The following USP10 variants were observed in gnomAD, a reference collection of about 807,000 sequenced individuals.
USP10 encodes the protein ubiquitin specific peptidase 10, also known as ubiquitin carboxyl-terminal hydrolase 10.
USP10 carries 22 observed loss-of-function variants against 84.5 expected under a neutral mutation model. The ratio of observed to expected loss-of-function variants is 0.26; its 90% CI spans 0.19 to 0.37. USP10 has a LOEUF of 0.37. Among genes scored for constraint, USP10 ranks in the 10% least tolerant of loss-of-function variants. The pLI is 1.00. For missense variants in USP10, 1,019 were observed against 998.9 expected, an observed-to-expected ratio of 1.02 and a Z score of -0.27; for synonymous variants, 454 against 387.6, an observed-to-expected ratio of 1.17 and a Z score of -2.01.
intron 1 of USP10, 48 bp downstream of exon 1, chr16:84,700,159 C>T: frequency 8.2e-7 from 1 of 1,218,426 alleles, no homozygotes; most frequent in Non-Finnish European, 1.0e-6. Flanking sequence ...GAGCCCCGGG[C>T]GGGCGGACGC....
chr16:84,716,750 C>T (rs1054898999), intron 1 of USP10, among the ~76,000 whole-genome samples: 1 of 152,138 alleles, frequency 6.6e-6, no homozygotes, highest in Non-Finnish European at 1.5e-5. Flanking sequence ...TAGGCAGAGA[C>T]GCCCATTACA....
chr16:84,775,054 T>G, intron 12 of USP10, 106 bp from the exon 13 acceptor site: 1 of 942,938 alleles, frequency 1.1e-6, no homozygotes. Context: ...GTTCCTGGTC[T>G]GACAGGCAGT....
chr16:84,708,640 C>T (rs56141709), intron 1 of USP10, among the ~76,000 whole-genome samples: 2,662 of 152,262 alleles, frequency 0.017, 80 homozygotes, highest in African/African-American at 0.061. Context: ...TTTTTGTCTT[C>T]TGTCACTTTG....
At chr16:84,702,808 T>C (rs1420690670) in intron 1 of USP10, among the ~76,000 whole-genome samples, 34 of 151,782 alleles carry the variant, frequency 2.2e-4, no homozygotes, top group Non-Finnish European at 4.4e-5. Flanking sequence ...GCCTGACCAA[T>C]ATAGTGAGAC....
chr16:84,766,483 T>G (rs1373645243), intron 10 of USP10, among the ~76,000 whole-genome samples: 1 of 152,238 alleles, frequency 6.6e-6, no homozygotes, highest in Non-Finnish European at 1.5e-5. Flanking sequence ...TGCCCTTTGC[T>G]CCTTCAGCCC....
intron 11 of USP10, among the ~76,000 whole-genome samples, chr16:84,771,551 A>G (rs185582155): frequency 6.6e-5 from 10 of 152,264 alleles, no homozygotes; most frequent in Admixed American, 1.3e-4. Flanking sequence ...AGTTTTATCA[A>G]TACTATCAGA....
intron 1 of USP10, among the ~76,000 whole-genome samples, chr16:84,721,014 C>G (rs1418848007): frequency 6.6e-6 from 1 of 151,812 alleles, no homozygotes; most frequent in East Asian, 1.9e-4. Context: ...CTGCCTCAGC[C>G]TCTCGAGTAG....
intron 1 of USP10, among the ~76,000 whole-genome samples, chr16:84,714,507 G>A (rs1046438807): frequency 2.6e-5 from 4 of 151,076 alleles, no homozygotes; most frequent in African/African-American, 4.9e-5. Context: ...ATTGTTGAAT[G>A]TTTTTCCATT....
rs750414301 is a variant in USP10 at position 84,745,661 on chromosome 16, A to G, written c.1180A>G (p.Ile394Val). ...LVPVSEDPVA[I>V]KIAELLENVT... The stretch of plus-strand genomic sequence containing the variant: ...TCCGGTTTCAGAGGATCCTGTAGCC[A>G]TAAAGATTGCAGGTATAGTTGAAAA... Residue 394 changes from isoleucine to valine, a missense_variant, in exon 4 of 14, where the codon ATA becomes GTA. Transcript: ENST00000219473. The G allele has an allele frequency of 1.9e-6, 3 of 1,610,570 alleles. No individual in the cohort carries two copies. Among genetic ancestry groups the G allele is most frequent in the South Asian group, 1.1e-5 (1 of 90,338 alleles).
intron 2 of USP10, among the ~76,000 whole-genome samples, chr16:84,739,511 G>C (rs954777896): frequency 6.6e-6 from 1 of 151,602 alleles, no homozygotes; most frequent in African/African-American, 2.4e-5. Context: ...GACCTCAAGT[G>C]ATTCACCCAC....
At chr16:84,713,719 A>G (rs118180450) in intron 1 of USP10, among the ~76,000 whole-genome samples, 2 of 152,192 alleles carry the variant, frequency 1.3e-5, no homozygotes, top group Non-Finnish European at 2.9e-5. Context: ...AACTGTTAGG[A>G]TCCAGAATTA....
intron 3 of USP10, among the ~76,000 whole-genome samples, chr16:84,744,044 TC>T (rs1296045741): frequency 6.9e-6 from 1 of 145,592 alleles, no homozygotes; most frequent in South Asian, 2.2e-4. Flanking sequence ...TATATAGGAT[TC>T]TTTGTTGTTG....
intron 4 of USP10, among the ~76,000 whole-genome samples, chr16:84,751,742 A>G (rs890291086): frequency 1.2e-4 from 19 of 152,238 alleles, no homozygotes; most frequent in African/African-American, 4.1e-4. Flanking sequence ...GAATGATGAC[A>G]GAAAAGCAGG....
intron 10 of USP10, among the ~76,000 whole-genome samples, chr16:84,765,315 C>T (rs1913729852): frequency 6.6e-6 from 1 of 151,638 alleles, no homozygotes; most frequent in Non-Finnish European, 1.5e-5. Context: ...TCACAAAAGT[C>T]CCAAATACAG....
At position 84,744,648 on chromosome 16, in the gene USP10, G is replaced by T; in HGVS notation, c.167G>T (p.Arg56Ile). ...TTCTAAACAGGACAAGAATATCAGAGAATTGAGTTTGGTGTCGATGAAGTC... is the reference window on the plus strand; with the variant it reads ...TTCTAAACAGGACAAGAATATCAGATAATTGAGTTTGGTGTCGATGAAGTC... ...DKLPDGQEYQ[R>I]IEFGVDEVIE... The change falls in exon 4 of 14, where the codon AGA (arginine) becomes ATA (isoleucine). Residue 56 changes from arginine (R) to isoleucine (I), a missense_variant. Arg to Ile is a moderately conservative substitution (Grantham distance 97). Coordinates refer to ENST00000219473, the MANE Select transcript of USP10 (RefSeq NM_005153.3). 6.2e-7 allele frequency: 1 copy of T among 1,609,126 alleles called. No individual in the cohort carries two copies. The highest frequency in any genetic ancestry group is 8.5e-7 in the Non-Finnish European group (1 of 1,176,698).
chr16:84,743,684 G>C (rs1910884949), intron 3 of USP10, among the ~76,000 whole-genome samples: 1 of 152,150 alleles, frequency 6.6e-6, no homozygotes, highest in African/African-American at 2.4e-5. Context: ...TGACATTGAT[G>C]CTTGATTTCT....
chr16:84,741,485 C>A (rs1192887835), intron 3 of USP10, among the ~76,000 whole-genome samples: 1 of 152,216 alleles, frequency 6.6e-6, no homozygotes, highest in Non-Finnish European at 1.5e-5. Flanking sequence ...CTTACAAATG[C>A]CCCATGATGT....
chr16:84,717,585 AGT>A, intron 1 of USP10, among the ~76,000 whole-genome samples: 1 of 152,134 alleles, frequency 6.6e-6, no homozygotes, highest in African/African-American at 2.4e-5. Context: ...AGCATTTGCT[AGT>A]CTCTTAGGTG....
intron 11 of USP10, among the ~76,000 whole-genome samples, chr16:84,772,091 G>T (rs958097114): frequency 6.6e-6 from 1 of 151,940 alleles, no homozygotes; most frequent in African/African-American, 2.4e-5. Flanking sequence ...TCGCTGTGTT[G>T]CCCAGGCTGG....
Sources: gnomAD v4.1 joint callset for allele counts (sites outside exome capture counted in the v4.1 genomes callset) on GRCh38, gnomAD v4.1.1 for gene constraint, MANE v1.5 for transcripts, NCBI Gene and HGNC (gene_info 2026-07-23, HGNC 2026-07-21) for gene names.